Variants in PLOD1 observed in about 807,000 individuals in gnomAD.
PLOD1 encodes the protein lysine hydroxylase.
Under a neutral mutation model 94.7 loss-of-function variants are expected in PLOD1, and 70 were observed. That is an observed-to-expected ratio of 0.74 (90% CI 0.61 to 0.90). The LOEUF is 0.90. Ranked by LOEUF, PLOD1 falls within the 40% of genes least tolerant of loss-of-function variation. The probability of loss-of-function intolerance (pLI) is 0.00; values close to 1 mark genes in which losing one functional copy is unlikely to be tolerated. For synonymous variants in PLOD1, 417 were observed against 400.2 expected, an observed-to-expected ratio of 1.04 and a Z score of -0.50; for missense variants, 905 against 972.7, an observed-to-expected ratio of 0.93 and a Z score of 0.93.
rs749221307 is a variant in PLOD1 at position 11,957,113 on chromosome 1, C to T, written c.741+99C>T. 4 of 826,322 alleles carry T rather than the reference C, an allele frequency of 4.8e-6. No individual in the cohort carries two copies. The highest frequency in any genetic ancestry group is 8.7e-6 in the Non-Finnish European group (4 of 462,094). The allele number at this position is 826,322 out of a possible 1,614,324, so 51.2% of individuals were successfully genotyped here. ...AGTGTCTCCCTGGGGCCAGGGCCAC[C>T]TTCCTGGGGCCTGCTATGAACTCAC... On this transcript the variant is annotated intron_variant, in intron 7 of 18. Coordinates refer to ENST00000196061, the MANE Select transcript of PLOD1 (RefSeq NM_000302.4). This position sits in a 1 kb window ranked among gnomAD's most constrained non-coding sequence, Gnocchi z 4.1.
chr1:11,960,843 T>G, intron 10 of PLOD1, 76 bp downstream of exon 10: 1 of 1,598,248 alleles, frequency 6.3e-7, no homozygotes. Flanking sequence ...AGCAGCAGGC[T>G]GAGTGACAGG....
In PLOD1 at chr1:11,974,797, G is replaced by C. The variant is rs151247380; in HGVS notation, c.2173G>C (p.Val725Leu). The change falls in exon 19 of 19, where the codon GTC becomes CTC. Residue 725 changes from valine to leucine, a missense_variant. Coordinates refer to ENST00000196061, the MANE Select transcript of PLOD1 (RefSeq NM_000302.4). ...RGTRYIAVSF[V>L]DP The stretch of plus-strand genomic sequence containing the variant: ...CACCCGCTACATCGCAGTCTCCTTC[G>C]TCGATCCCTAATTGGCCAGGCCTGA... 20 of 1,614,022 alleles carry C rather than the reference G, an allele frequency of 1.2e-5. No individual in the cohort carries two copies. Among genetic ancestry groups the C allele is most frequent in the African/African-American group, 2.7e-5 (2 of 74,920 alleles).
chr1:11,957,597 G>T lies in PLOD1; in HGVS notation c.742-245G>T, dbSNP rs1047241365. Among the ~76,000 whole-genome samples the T allele has an allele frequency of 6.6e-6, 1 of 152,218 alleles. No homozygotes were observed. Among genetic ancestry groups the T allele is most frequent in the African/African-American group, 2.4e-5 (1 of 41,452 alleles). ...CTGTTCAGATGGAATCTCTGAGCGG[G>T]GTGGGACCCAGGAATCTGCATTTTA... On this transcript the variant is annotated intron_variant, in intron 7 of 18. Coordinates refer to ENST00000196061, the MANE Select transcript of PLOD1 (RefSeq NM_000302.4). This position sits in a 1 kb window ranked among gnomAD's most constrained non-coding sequence, Gnocchi z 4.1.
Position 11,952,617 on chromosome 1 carries a change from C to A in PLOD1, c.467-6C>A, listed in dbSNP as rs1271817381. 5 of 1,611,528 alleles carry A rather than the reference C, an allele frequency of 3.1e-6. No individual in the cohort carries two copies. Among genetic ancestry groups the A allele is most frequent in the Non-Finnish European group, 3.4e-6 (4 of 1,177,788 alleles). On this transcript the variant is annotated splice_polypyrimidine_tract_variant and splice_region_variant and intron_variant, in intron 4 of 18. Coordinates refer to ENST00000196061, the MANE Select transcript of PLOD1 (RefSeq NM_000302.4). ...CGTCTTGGTGTCCCCACCCACCAAC[C>A]TTCAGGCTTCATCGGTTATGCCCCC...
chr1:11,960,593 A>G, intron 9 of PLOD1, 53 bp from the exon 10 acceptor site: 1 of 1,302,214 alleles, frequency 7.7e-7, no homozygotes, highest in African/African-American at 1.4e-5. Flanking sequence ...CCCTGGGTGG[A>G]AGCTGTGTCC....
intron 1 of PLOD1, among the ~76,000 whole-genome samples, chr1:11,938,971 A>T (rs542163828): frequency 3.2e-4 from 48 of 152,314 alleles, no homozygotes; most frequent in African/African-American, 8.9e-4. Context: ...TGGGAGAATA[A>T]AAGGCAACAT....
rs150536233 is a variant in PLOD1 at position 11,936,239 on chromosome 1, G to A, written c.76+1384G>A. The stretch of plus-strand genomic sequence containing the variant: ...GAGGTCAGCTGGGCTCCAGTCTAGC[G>A]CTCTTTCTACTTCCTCAAGGCAGAT... On this transcript the variant is annotated intron_variant, in intron 1 of 18. Transcript: ENST00000196061. 2.1e-4 allele frequency among the ~76,000 whole-genome samples: 32 copies of A among 152,138 alleles called. 1 individual carries two copies. The highest frequency in any genetic ancestry group is 6.7e-4 in the African/African-American group (28 of 41,508).
At chr1:11,950,558 G>A in intron 4 of PLOD1, 38 bp downstream of exon 4, 1 of 1,601,116 alleles carries the variant, frequency 6.2e-7, no homozygotes, top group Middle Eastern at 2.0e-4. Flanking sequence ...GCCCAGCAGA[G>A]GGGTCCATCT....
At chr1:11,961,891 C>T (rs1645780283) in intron 10 of PLOD1, among the ~76,000 whole-genome samples, 1 of 152,228 alleles carries the variant, frequency 6.6e-6, no homozygotes, top group African/African-American at 2.4e-5. Flanking sequence ...CAGGTTCAAG[C>T]CATTCTCTTG....
chr1:11,967,197 G>C, intron 16 of PLOD1, 106 bp downstream of exon 16: 1 of 755,878 alleles, frequency 1.3e-6, no homozygotes. Context: ...CCCTTTCTGG[G>C]ACTCTTGACA....
At chr1:11,962,964 C>T (rs1162365840) in intron 10 of PLOD1, among the ~76,000 whole-genome samples, 2 of 151,994 alleles carry the variant, frequency 1.3e-5, no homozygotes, top group East Asian at 3.9e-4. Flanking sequence ...TCGCTTGAAC[C>T]CGGGAGGTGG....
chr1:11,952,146 C>T (rs1361951856), intron 4 of PLOD1, among the ~76,000 whole-genome samples: 2 of 152,204 alleles, frequency 1.3e-5, no homozygotes, highest in Non-Finnish European at 2.9e-5. Context: ...GGTTGCTTGT[C>T]ACCAGTCTGT....
chr1:11,964,318 G>A lies in PLOD1; in HGVS notation c.1328+18G>A. The stretch of plus-strand genomic sequence containing the variant: ...CGGCGTGTGTGAGTACCTGCAGGGT[G>A]GGGGTGGGTGGGGGACACCTTCATC... On this transcript the variant is annotated intron_variant, in intron 12 of 18. Coordinates refer to ENST00000196061, the MANE Select transcript of PLOD1 (RefSeq NM_000302.4). 1 of 1,580,588 alleles carries A rather than the reference G, an allele frequency of 6.3e-7. No homozygotes were observed. The highest frequency in any genetic ancestry group is 2.2e-5 in the East Asian group (1 of 44,600).
In PLOD1 at chr1:11,957,451, C is replaced by T. The variant is rs913097709; in HGVS notation, c.742-391C>T. Among the ~76,000 whole-genome samples the T allele has an allele frequency of 6.6e-6, 1 of 152,164 alleles. No individual in the cohort carries two copies. Among genetic ancestry groups the T allele is most frequent in the Non-Finnish European group, 1.5e-5 (1 of 68,034 alleles). ...CAGGGACAGAATGGACCTCACTGGTCCCTGGGGAACTGGCTCATAGCTCAT... is the reference window on the plus strand; with the variant it reads ...CAGGGACAGAATGGACCTCACTGGTTCCTGGGGAACTGGCTCATAGCTCAT... On this transcript the variant is annotated intron_variant, in intron 7 of 18. Coordinates refer to ENST00000196061, the MANE Select transcript of PLOD1 (RefSeq NM_000302.4). The surrounding 1 kb of genome is among the most constrained non-coding windows in gnomAD (Gnocchi z 4.1).
intron 9 of PLOD1, among the ~76,000 whole-genome samples, chr1:11,959,869 G>C (rs1439445008): frequency 1.3e-5 from 2 of 151,016 alleles, no homozygotes; most frequent in Non-Finnish European, 2.9e-5. Context: ...GCCTGCCTCC[G>C]CCTGCCAAAG....
At chr1:11,965,311 G>C (rs931870498) in intron 13 of PLOD1, among the ~76,000 whole-genome samples, 169 bp from the exon 14 acceptor site, 1 of 152,022 alleles carries the variant, frequency 6.6e-6, no homozygotes, top group Non-Finnish European at 1.5e-5. Context: ...TCAGGCCTGG[G>C]CTGGGCCCTG....
Position 11,974,902 on chromosome 1 carries a change from A to G in PLOD1, c.*94A>G. ...CTCGGGGTCCCAGGGAACCCAGTCC[A>G]GCCTCCTGGCTGTTGACTTCCCATT... On this transcript the variant is annotated 3_prime_UTR_variant, in exon 19 of 19. Transcript: ENST00000196061. 1.6e-6 allele frequency: 2 copies of G among 1,228,902 alleles called. No homozygotes were observed. 76.1% of individuals were successfully genotyped at this position (1,228,902 alleles called of 1,614,324 possible).
At chr1:11,951,166 C>A (rs990151881) in intron 4 of PLOD1, among the ~76,000 whole-genome samples, 6 of 152,344 alleles carry the variant, frequency 3.9e-5, no homozygotes, top group African/African-American at 1.4e-4. Flanking sequence ...ACCATTCTCA[C>A]TGGGCTCCTG....
At chr1:11,944,445 A>ACACACACACT in intron 1 of PLOD1, 1 of 939,218 alleles carries the variant, frequency 1.1e-6, no homozygotes, top group South Asian at 1.4e-5. Flanking sequence ...ACACACACAC[A>ACACACACACT]CACACACACT....
Sources: allele counts gnomAD v4.1 joint callset (sites outside exome capture counted in the v4.1 genomes callset), GRCh38; gene constraint gnomAD v4.1.1; non-coding constraint Gnocchi (gnomAD v3.1); transcripts MANE v1.5; gene names NCBI Gene and HGNC (gene_info 2026-07-23, HGNC 2026-07-21).